ADCYAP1R1: variants seen among roughly 807,000 people sequenced by gnomAD.
ADCYAP1R1 encodes ADCYAP receptor type I, also known as pituitary adenylate cyclase-activating polypeptide type I receptor.
A neutral mutation model predicts 67.6 loss-of-function variants in ADCYAP1R1; 44 were observed. The observed-to-expected ratio is 0.65, with a 90% CI of 0.51 to 0.84. The LOEUF is 0.84. ADCYAP1R1 is among the 40% of genes least tolerant of loss of function. The pLI, the probability that ADCYAP1R1 is intolerant of heterozygous loss-of-function variation, is 0.00. For missense variants in ADCYAP1R1, 477 were observed against 587.9 expected, an observed-to-expected ratio of 0.81 and a Z score of 1.95; for synonymous variants, 222 against 219.6, an observed-to-expected ratio of 1.01 and a Z score of -0.10.
At chr7:31,072,996 A>G (rs922196337) in intron 3 of ADCYAP1R1, among the ~76,000 whole-genome samples, 1 of 152,166 alleles carries the variant, frequency 6.6e-6, no homozygotes, top group South Asian at 2.1e-4. Flanking sequence ...AGGCAAGGAA[A>G]TGGATTCTCC....
chr7:31,098,150 C>A (rs928923387), intron 13 of ADCYAP1R1, among the ~76,000 whole-genome samples: 3 of 152,180 alleles, frequency 2.0e-5, no homozygotes, highest in African/African-American at 7.2e-5. Context: ...AATCCACCCG[C>A]CTCGGCCTCC....
Position 31,076,663 on chromosome 7 carries a change from C to T in ADCYAP1R1, c.158-1328C>T, listed in dbSNP as rs184976339. Among the ~76,000 whole-genome samples, 27 of 152,278 alleles carry T rather than the reference C, an allele frequency of 1.8e-4. No individual in the cohort carries two copies. In the East Asian group the frequency reaches 2.9e-3, roughly 16 times the overall value. On this transcript the variant is annotated intron_variant, in intron 3 of 15. Transcript: ENST00000304166. ...GGGTCCTTTCACAATTCTTGCTTGGCGCGTGCAGGCTTCTGCCTGGCTGGC... is the reference window on the plus strand; with the variant it reads ...GGGTCCTTTCACAATTCTTGCTTGGTGCGTGCAGGCTTCTGCCTGGCTGGC...
At chr7:31,054,881 G>A (rs1794175374) in intron 1 of ADCYAP1R1, among the ~76,000 whole-genome samples, 1 of 152,204 alleles carries the variant, frequency 6.6e-6, no homozygotes, top group Non-Finnish European at 1.5e-5. Flanking sequence ...CCCCAGACAG[G>A]AGCTGCCAAG....
chr7:31,072,254 T>A (rs1795023282), intron 3 of ADCYAP1R1, among the ~76,000 whole-genome samples: 1 of 151,966 alleles, frequency 6.6e-6, no homozygotes, highest in African/African-American at 2.4e-5. Context: ...GGGATCCAGG[T>A]TTCTACCATC....
intron 3 of ADCYAP1R1, among the ~76,000 whole-genome samples, chr7:31,071,077 C>T (rs1363481723): frequency 6.6e-6 from 1 of 152,222 alleles, no homozygotes; most frequent in Non-Finnish European, 1.5e-5. Context: ...AATACCTGGG[C>T]ATCCTCAGGT....
chr7:31,067,527 G>A (rs1794787891), intron 3 of ADCYAP1R1, among the ~76,000 whole-genome samples: 2 of 151,754 alleles, frequency 1.3e-5, no homozygotes, highest in Admixed American at 6.6e-5. Context: ...GGAGGGTGGG[G>A]GTGGGTCTAT....
At chr7:31,070,918 G>A (rs1794945398) in intron 3 of ADCYAP1R1, among the ~76,000 whole-genome samples, 1 of 152,306 alleles carries the variant, frequency 6.6e-6, no homozygotes, top group Non-Finnish European at 1.5e-5. Flanking sequence ...GGCGAGGGCG[G>A]CATCTTTAGT....
At chr7:31,082,429 T>C (rs1009734558) in intron 6 of ADCYAP1R1, among the ~76,000 whole-genome samples, 2 of 151,968 alleles carry the variant, frequency 1.3e-5, no homozygotes, top group Non-Finnish European at 2.9e-5. Context: ...CACTGTGTTA[T>C]AAAAAGGAAA....
At chr7:31,099,562 TG>T (rs1481310236) in intron 13 of ADCYAP1R1, among the ~76,000 whole-genome samples, 4 of 152,160 alleles carry the variant, frequency 2.6e-5, no homozygotes, top group Admixed American at 2.6e-4. Flanking sequence ...TCTGAGTTGC[TG>T]GGGGGCTCAC....
rs1796465542 is a variant in ADCYAP1R1 at position 31,102,149 on chromosome 7, AG to A, written c.1047-1085del. ...CCCAGAAAGGCTGAATGCGGGAGAG[AG>A]GGACACATGGTGTAATTGCCCCAAA... On this transcript the variant is annotated intron_variant, in intron 13 of 15. Transcript: ENST00000304166. The surrounding 1 kb of genome is among the most constrained non-coding windows in gnomAD (Gnocchi z 4.3). 6.6e-6 allele frequency among the ~76,000 whole-genome samples: 1 copy of A among 152,164 alleles called. No individual in the cohort carries two copies. Among genetic ancestry groups the A allele is most frequent in the Admixed American group, 6.5e-5 (1 of 15,280 alleles).
chr7:31,061,565 G>C (rs1052256717), intron 1 of ADCYAP1R1, among the ~76,000 whole-genome samples: 2 of 152,222 alleles, frequency 1.3e-5, no homozygotes, highest in South Asian at 4.1e-4. Flanking sequence ...AGGAGGCTGG[G>C]CCAGTGTTGC....
At chr7:31,062,848 G>T (rs1167853372) in intron 1 of ADCYAP1R1, among the ~76,000 whole-genome samples, 1 of 152,206 alleles carries the variant, frequency 6.6e-6, no homozygotes, top group African/African-American at 2.4e-5. Context: ...GCATGCATGT[G>T]CCAGCTAAAA....
At chr7:31,074,418 C>T (rs1054601060) in intron 3 of ADCYAP1R1, among the ~76,000 whole-genome samples, 3 of 152,192 alleles carry the variant, frequency 2.0e-5, no homozygotes, top group Admixed American at 6.5e-5. Flanking sequence ...AATGCATCCC[C>T]TGTCCTGCTG....
intron 9 of ADCYAP1R1, among the ~76,000 whole-genome samples, chr7:31,085,767 G>C (rs1453200401): frequency 2.6e-5 from 4 of 152,176 alleles, no homozygotes; most frequent in Non-Finnish European, 5.9e-5. Context: ...GCTGAGAGAG[G>C]GCTTACCTAG....
At chr7:31,091,917 G>A (rs369691338) in intron 12 of ADCYAP1R1, among the ~76,000 whole-genome samples, 1 of 150,790 alleles carries the variant, frequency 6.6e-6, no homozygotes, top group African/African-American at 2.4e-5. Flanking sequence ...TATAAGTTAC[G>A]TTTGTGGTAA....
chr7:31,069,989 C>G (rs1022529988), intron 3 of ADCYAP1R1, among the ~76,000 whole-genome samples: 1 of 152,204 alleles, frequency 6.6e-6, no homozygotes, highest in Non-Finnish European at 1.5e-5. Flanking sequence ...CAAGTTGGCT[C>G]TGTCATATGA....
chr7:31,060,672 T>G (rs1223323927), intron 1 of ADCYAP1R1, among the ~76,000 whole-genome samples: 1 of 152,112 alleles, frequency 6.6e-6, no homozygotes, highest in Non-Finnish European at 1.5e-5. Context: ...GTGGACCTAT[T>G]TCTGTGTATT....
chr7:31,065,007 C>T, intron 3 of ADCYAP1R1, 71 bp downstream of exon 3: 2 of 1,223,948 alleles, frequency 1.6e-6, no homozygotes, highest in Non-Finnish European at 1.2e-6. Flanking sequence ...TGTGCTCAGG[C>T]TCGGCCAGTG....
chr7:31,082,603 C>T (rs773344102), intron 6 of ADCYAP1R1, among the ~76,000 whole-genome samples: 1 of 152,158 alleles, frequency 6.6e-6, no homozygotes, highest in Middle Eastern at 3.2e-3. Context: ...AACTTGGCCA[C>T]GGTGGTGATT....
Sources: allele counts gnomAD v4.1 joint callset (sites outside exome capture counted in the v4.1 genomes callset), GRCh38; gene constraint gnomAD v4.1.1; non-coding constraint Gnocchi (gnomAD v3.1); transcripts MANE v1.5; gene names NCBI Gene and HGNC (gene_info 2026-07-23, HGNC 2026-07-21).